The following TMTC2 variants were observed in gnomAD, a reference collection of about 807,000 sequenced individuals.
The protein encoded by TMTC2 is protein O-mannosyl-transferase TMTC2.
TMTC2 carries 43 observed loss-of-function variants against 82.4 expected under a neutral mutation model. The observed-to-expected ratio is 0.52, with a 90% CI of 0.41 to 0.67. TMTC2 has a LOEUF of 0.67. TMTC2 is among the 30% of genes least tolerant of loss of function. TMTC2 has a pLI of 0.00. For synonymous variants in TMTC2, 408 were observed against 381.9 expected (o/e 1.07, Z -0.80); for missense variants, 919 against 1,012.4 (o/e 0.91, Z 1.25).
intron 2 of TMTC2, among the ~76,000 whole-genome samples, chr12:82,881,892 T>C (rs1592598340): frequency 6.6e-6 from 1 of 152,150 alleles, no homozygotes; most frequent in East Asian, 1.9e-4. Flanking sequence ...ATCAGAGTAA[T>C]AAGATACATA....
intron 4 of TMTC2, among the ~76,000 whole-genome samples, chr12:82,942,630 A>G (rs920361861): frequency 1.3e-5 from 2 of 152,188 alleles, no homozygotes; most frequent in African/African-American, 4.8e-5. Context: ...TCTTGAATAT[A>G]TTTTAACATT....
intron 3 of TMTC2, among the ~76,000 whole-genome samples, chr12:82,897,060 G>A (rs536925056): frequency 6.6e-6 from 1 of 152,262 alleles, no homozygotes; most frequent in Non-Finnish European, 1.5e-5. Flanking sequence ...CATCGCCTGA[G>A]GAAATACAAG....
intron 11 of TMTC2, 100 bp from the exon 12 acceptor site, chr12:83,132,110 A>G (rs1160674837): frequency 8.7e-6 from 12 of 1,374,486 alleles, no homozygotes; most frequent in South Asian, 3.1e-5. Context: ...GCCTCTAGAC[A>G]TAAGGGAATT....
intron 9 of TMTC2, among the ~76,000 whole-genome samples, chr12:83,048,322 ATATCTG>A (rs1882217930): frequency 1.3e-5 from 2 of 152,182 alleles, no homozygotes; most frequent in Admixed American, 6.5e-5. Flanking sequence ...ATTTCATTTC[ATATCTG>A]TATCTGTAGA....
chr12:82,772,285 G>A (rs140764376), intron 1 of TMTC2, among the ~76,000 whole-genome samples: 3 of 152,254 alleles, frequency 2.0e-5, no homozygotes, highest in Non-Finnish European at 4.4e-5. Flanking sequence ...AATTGCTGTG[G>A]CATACCAGAA....
intron 9 of TMTC2, among the ~76,000 whole-genome samples, chr12:83,032,257 T>TTATATATATATATATA (rs57604518): frequency 4.4e-4 from 57 of 130,818 alleles, no homozygotes; most frequent in South Asian, 7.1e-4. Flanking sequence ...AGAGAATATT[T>TTATATATATATATATA]TATATATATA....
intron 11 of TMTC2, among the ~76,000 whole-genome samples, chr12:83,089,446 A>G (rs1241531166): frequency 6.6e-6 from 1 of 152,210 alleles, no homozygotes; most frequent in Admixed American, 6.5e-5. Context: ...TTATGCTACT[A>G]TGGCTATTAT....
chr12:82,784,630 T>C (rs1878084842), intron 1 of TMTC2, among the ~76,000 whole-genome samples: 2 of 152,110 alleles, frequency 1.3e-5, no homozygotes, highest in African/African-American at 4.8e-5. Context: ...TAAAGCCACC[T>C]CTATTTGTAG....
At chr12:82,936,382 C>A (rs928150840) in intron 4 of TMTC2, among the ~76,000 whole-genome samples, 9 of 151,994 alleles carry the variant, frequency 5.9e-5, no homozygotes, top group Admixed American at 6.6e-5. Context: ...ATTTAACACA[C>A]ACACACAAGG....
chr12:83,003,493 A>G (rs1270115491), intron 8 of TMTC2, among the ~76,000 whole-genome samples: 2 of 152,090 alleles, frequency 1.3e-5, no homozygotes, highest in Non-Finnish European at 2.9e-5. Context: ...TTGATTGTAT[A>G]GTTGTTATAT....
chr12:82,717,588 T>C (rs1288814559), intron 1 of TMTC2, among the ~76,000 whole-genome samples: 2 of 152,160 alleles, frequency 1.3e-5, no homozygotes, highest in African/African-American at 2.4e-5. Context: ...GGCACTTAAC[T>C]TGAACAAATA....
At chr12:82,871,618 G>A (rs1412368686) in intron 2 of TMTC2, among the ~76,000 whole-genome samples, 2 of 151,712 alleles carry the variant, frequency 1.3e-5, no homozygotes, top group African/African-American at 4.8e-5. Flanking sequence ...AATTAATTTA[G>A]CCTGGTTAGG....
chr12:83,027,377 A>C (rs1395242363), intron 8 of TMTC2, among the ~76,000 whole-genome samples: 1 of 152,106 alleles, frequency 6.6e-6, no homozygotes. Flanking sequence ...TTGACTTTTA[A>C]TTTTATTTAC....
At chr12:82,791,498 G>T (rs1592525047) in intron 1 of TMTC2, among the ~76,000 whole-genome samples, 1 of 152,214 alleles carries the variant, frequency 6.6e-6, no homozygotes, top group South Asian at 2.1e-4. Context: ...CACAGAAAAA[G>T]TGGTACAAAG....
intron 9 of TMTC2, among the ~76,000 whole-genome samples, chr12:83,031,159 A>C (rs1246255099): frequency 3.9e-5 from 6 of 152,150 alleles, no homozygotes; most frequent in African/African-American, 1.4e-4. Context: ...AGATCTCATC[A>C]GGAAAGCATC....
chr12:82,870,524 C>G (rs2137135572), intron 2 of TMTC2, among the ~76,000 whole-genome samples: 1 of 152,288 alleles, frequency 6.6e-6, no homozygotes, highest in East Asian at 1.9e-4. Flanking sequence ...AGTAGGGCAG[C>G]TCAATCTCCA....
At chr12:83,105,975 C>T (rs1221241335) in intron 11 of TMTC2, among the ~76,000 whole-genome samples, 1 of 151,882 alleles carries the variant, frequency 6.6e-6, no homozygotes, top group Non-Finnish European at 1.5e-5. Flanking sequence ...TATAGAATAG[C>T]GTTGTATGAA....
rs1592725219 is a variant in TMTC2 at position 83,065,794 on chromosome 12, A to G, written c.2331+3963A>G. Among the ~76,000 whole-genome samples, 4 of 152,052 alleles carry G rather than the reference A, an allele frequency of 2.6e-5. No homozygotes were observed. In the South Asian group the frequency reaches 8.3e-4, roughly 32 times the overall value. Reference sequence around the variant, plus strand: ...GAAACTGCTTTGTTCTTCCTGTGGGAATTAAGCCAAATTCTGCATTAACTT... The same window carrying G: ...GAAACTGCTTTGTTCTTCCTGTGGGGATTAAGCCAAATTCTGCATTAACTT... On this transcript the variant is annotated intron_variant, in intron 11 of 11. Coordinates refer to ENST00000321196, the MANE Select transcript of TMTC2 (RefSeq NM_152588.3).
intron 2 of TMTC2, among the ~76,000 whole-genome samples, chr12:82,877,734 A>G (rs1231329646): frequency 1.3e-5 from 2 of 152,214 alleles, no homozygotes; most frequent in Non-Finnish European, 2.9e-5. Flanking sequence ...TTTAAAATAT[A>G]TTTGAAATTA....
Sources: gnomAD v4.1 joint callset for allele counts (sites outside exome capture counted in the v4.1 genomes callset) on GRCh38, gnomAD v4.1.1 for gene constraint, MANE v1.5 for transcripts, NCBI Gene and HGNC (gene_info 2026-07-23, HGNC 2026-07-21) for gene names.